TMEM40: variants seen among roughly 807,000 people sequenced by gnomAD.
The protein encoded by TMEM40 is transmembrane protein 40.
Under a neutral mutation model 40.8 loss-of-function variants are expected in TMEM40, and 34 were observed. The observed-to-expected ratio is 0.83, with a 90% CI of 0.63 to 1.11. TMEM40 has a LOEUF of 1.11. Ranked by LOEUF, TMEM40 falls within the 50% of genes least tolerant of loss-of-function variation. TMEM40 has a pLI of 0.00. For missense variants in TMEM40, 296 were observed against 280.2 expected, an observed-to-expected ratio of 1.06 and a Z score of -0.40; for synonymous variants, 106 against 107.0, an observed-to-expected ratio of 0.99 and a Z score of 0.06.
chr3:12,755,211 CTT>C (rs55810837), intron 1 of TMEM40, among the ~76,000 whole-genome samples: 131 of 74,456 alleles, frequency 1.8e-3, no homozygotes, highest in East Asian at 0.012. Flanking sequence ...TTCTTTCTTT[CTT>C]TCTCTCTCTC....
intron 7 of TMEM40, 75 bp from the exon 8 acceptor site, chr3:12,737,829 T>C (rs566259939): frequency 1.6e-5 from 23 of 1,430,224 alleles, no homozygotes; most frequent in South Asian, 3.4e-5. Flanking sequence ...CCCTGCCTCA[T>C]TGAGAATTAA....
chr3:12,740,879 A>G (rs1385348396), intron 5 of TMEM40, among the ~76,000 whole-genome samples: 2 of 151,984 alleles, frequency 1.3e-5, no homozygotes, highest in Non-Finnish European at 2.9e-5. Context: ...AAAATGAAAA[A>G]CAAACCTCCC....
intron 1 of TMEM40, among the ~76,000 whole-genome samples, chr3:12,758,069 TAA>T (rs34019582): frequency 7.9e-5 from 11 of 139,240 alleles, no homozygotes; most frequent in Admixed American, 1.5e-4. Flanking sequence ...ATCTGTTATT[TAA>T]AAAAAAAAAA....
chr3:12,760,279 C>T (rs1472523086), upstream of TMEM40, among the ~76,000 whole-genome samples: 2 of 152,120 alleles, frequency 1.3e-5, no homozygotes, highest in Non-Finnish European at 2.9e-5. Context: ...CAGCTCATGT[C>T]CCTCCCCGCT....
intron 3 of TMEM40, among the ~76,000 whole-genome samples, chr3:12,744,599 T>C (rs182713408): frequency 6.6e-6 from 1 of 152,308 alleles, no homozygotes; most frequent in East Asian, 1.9e-4. Flanking sequence ...CTGAAGGACA[T>C]GACCTGGGTT....
chr3:12,750,657 A>G (rs887898320), intron 1 of TMEM40, among the ~76,000 whole-genome samples: 3 of 152,146 alleles, frequency 2.0e-5, no homozygotes, highest in Non-Finnish European at 4.4e-5. Context: ...TATATCACCC[A>G]GTCTAGTCTT....
intron 2 of TMEM40, among the ~76,000 whole-genome samples, chr3:12,749,271 G>A (rs1234624453): frequency 2.6e-5 from 4 of 152,226 alleles, no homozygotes; most frequent in Non-Finnish European, 4.4e-5. Flanking sequence ...TGATCTGCCC[G>A]CCTCGGCCTC....
At chr3:12,744,336 C>G (rs1575735401) in intron 3 of TMEM40, among the ~76,000 whole-genome samples, 1 of 152,300 alleles carries the variant, frequency 6.6e-6, no homozygotes, top group African/African-American at 2.4e-5. Flanking sequence ...CTCTGTTTCC[C>G]CACCCATCAT....
At chr3:12,757,811 A>C (rs1313972125) in intron 1 of TMEM40, among the ~76,000 whole-genome samples, 1 of 152,206 alleles carries the variant, frequency 6.6e-6, no homozygotes, top group Non-Finnish European at 1.5e-5. Context: ...AGCATTACAC[A>C]TAACAGCCAA....
At chr3:12,744,013 T>C (rs2061406975) in intron 3 of TMEM40, 24 bp from the exon 4 acceptor site, 1 of 1,606,778 alleles carries the variant, frequency 6.2e-7, no homozygotes, top group Admixed American at 1.7e-5. Context: ...ACACAAGCTG[T>C]AGGAGAAGCT....
At chr3:12,737,459 A>C in intron 8 of TMEM40, 1 of 576,574 alleles carries the variant, frequency 1.7e-6, no homozygotes, top group South Asian at 2.2e-5. Context: ...ACCAGGGCTC[A>C]AGCTCAGGCC....
chr3:12,765,927 G>T (rs1575749503), intron 1 of TMEM40, among the ~76,000 whole-genome samples: 1 of 152,122 alleles, frequency 6.6e-6, no homozygotes, highest in East Asian at 1.9e-4. Context: ...CACCATCTCT[G>T]CTCACTGCAA....
chr3:12,750,125 CA>C (rs2061462716), intron 1 of TMEM40, among the ~76,000 whole-genome samples: 1 of 148,566 alleles, frequency 6.7e-6, no homozygotes. Flanking sequence ...AAGTCAGGCA[CA>C]ATCCTTTTTC....
At chr3:12,757,630 T>C (rs1017010075) in intron 1 of TMEM40, among the ~76,000 whole-genome samples, 3 of 152,196 alleles carry the variant, frequency 2.0e-5, no homozygotes, top group Non-Finnish European at 4.4e-5. Context: ...GGAGCCCTCA[T>C]ACATTGCTGG....
chr3:12,743,760 A>T (rs2061401143), intron 4 of TMEM40, 140 bp downstream of exon 4: 4 of 736,614 alleles, frequency 5.4e-6, no homozygotes, highest in Non-Finnish European at 8.8e-6. Flanking sequence ...AGCATCCTTT[A>T]TCTATTCTGC....
intron 1 of TMEM40, among the ~76,000 whole-genome samples, chr3:12,766,844 AG>A (rs952852365): frequency 6.7e-6 from 1 of 148,186 alleles, no homozygotes; most frequent in Non-Finnish European, 1.5e-5. Flanking sequence ...TTAGGGGCAG[AG>A]GGGGGACCAG....
At chr3:12,745,943 G>A (rs146035680) in intron 3 of TMEM40, among the ~76,000 whole-genome samples, 2,999 of 151,464 alleles carry the variant, frequency 0.02, 90 homozygotes, top group African/African-American at 0.067. Flanking sequence ...TGTCACCCAG[G>A]TTGGAGTGCA....
Position 12,749,845 on chromosome 3 carries a change from A to G in TMEM40, c.-8-5T>C. 1.2e-6 allele frequency: 2 copies of G among 1,613,120 alleles called. No homozygotes were observed. The highest frequency in any genetic ancestry group is 1.1e-5 in the South Asian group (1 of 90,932). On this transcript the variant is annotated splice_polypyrimidine_tract_variant and splice_region_variant and intron_variant, in intron 1 of 11. Transcript: ENST00000314124. Reference sequence around the variant, plus strand: ...CTGAAGTCTCCATGGCTTTTCCTGGAGGAATAACAATAATCAGTAGTTAAT... The same window carrying G: ...CTGAAGTCTCCATGGCTTTTCCTGGGGGAATAACAATAATCAGTAGTTAAT...
chr3:12,744,507 T>C (rs1447692155), intron 3 of TMEM40, among the ~76,000 whole-genome samples: 1 of 152,232 alleles, frequency 6.6e-6, no homozygotes, highest in Non-Finnish European at 1.5e-5. Context: ...GGGGTTTCTA[T>C]AGCACCAGCT....
Sources: gnomAD v4.1 joint callset for allele counts (sites outside exome capture counted in the v4.1 genomes callset) on GRCh38, gnomAD v4.1.1 for gene constraint, MANE v1.5 for transcripts, NCBI Gene and HGNC (gene_info 2026-07-23, HGNC 2026-07-21) for gene names.